Variants in FBN1 observed in about 807,000 individuals in gnomAD.
FBN1 encodes the protein fibrillin-1.
FBN1 carries 29 observed loss-of-function variants against 365.1 expected under a neutral mutation model. The ratio of observed to expected loss-of-function variants is 0.08; its 90% confidence interval spans 0.06 to 0.11. FBN1 has a LOEUF of 0.11. FBN1 is among the 10% of genes least tolerant of loss of function. FBN1 has a pLI of 1.00. For missense variants in FBN1, 2,476 were observed against 3,703.2 expected (o/e 0.67, Z 8.60); for synonymous variants, 1,210 against 1,270.5 (o/e 0.95, Z 1.01).
chr15:48,541,474 G>A (rs2141362771), intron 6 of FBN1, among the ~76,000 whole-genome samples: 1 of 152,316 alleles, frequency 6.6e-6, no homozygotes, highest in East Asian at 1.9e-4. Flanking sequence ...TAATCTGGAT[G>A]AAATAAAATT....
rs752725461 is a variant in FBN1, at chr15:48,568,046, AAAG to A, written c.538+28234_538+28236del. Among the ~76,000 whole-genome samples, 390 of 92,054 alleles carry A rather than the reference AAAG, an allele frequency of 4.2e-3. 8 individuals carry two copies. The highest frequency in any genetic ancestry group is 5.0e-3 in the African/African-American group (78 of 15,498). 60.4% of individuals were successfully genotyped at this position (92,054 alleles called of 152,430 possible). A position where few individuals can be genotyped will look rare whatever the true frequency, so the allele number is the denominator to read the frequency against. On this transcript the variant is annotated intron_variant, in intron 6 of 65. Coordinates refer to ENST00000316623, the MANE Select transcript of FBN1 (RefSeq NM_000138.5). Reference sequence around the variant, plus strand: ...GAAAGAAAGAAAGAAAGAAAGAAAGAAAGAAGAAAGAAAGAAAGAAAGAAAGAA... The same window carrying A: ...GAAAGAAAGAAAGAAAGAAAGAAAGAAAGAAAGAAAGAAAGAAAGAAAGAA...
chr15:48,603,888 G>A (rs1364752190), intron 4 of FBN1, among the ~76,000 whole-genome samples: 1 of 152,192 alleles, frequency 6.6e-6, no homozygotes, highest in African/African-American at 2.4e-5. Flanking sequence ...AGGGTTTCAT[G>A]TAAGGCTCAA....
At chr15:48,455,133 T>C (rs2043229350) in intron 44 of FBN1, among the ~76,000 whole-genome samples, 1 of 152,138 alleles carries the variant, frequency 6.6e-6, no homozygotes, top group African/African-American at 2.4e-5. Context: ...GAGCTAAGAG[T>C]ATGCTAGGAA....
chr15:48,517,494 A>G (rs1379939704), intron 10 of FBN1, among the ~76,000 whole-genome samples: 1 of 152,236 alleles, frequency 6.6e-6, no homozygotes, highest in East Asian at 1.9e-4. Flanking sequence ...TGACTTCATC[A>G]TCTGCTTCCC....
chr15:48,561,874 T>TA (rs2044224444), intron 6 of FBN1, among the ~76,000 whole-genome samples: 1 of 152,038 alleles, frequency 6.6e-6, no homozygotes, highest in South Asian at 2.1e-4. Flanking sequence ...ATTTAGCACA[T>TA]AGCTTTCCCT....
At chr15:48,435,778 G>A (rs199891863) in intron 53 of FBN1, among the ~76,000 whole-genome samples, 57 of 141,366 alleles carry the variant, frequency 4.0e-4, no homozygotes, top group South Asian at 1.6e-3. Context: ...GTATATGTGT[G>A]TGTGTGTGTG....
intron 55 of FBN1, among the ~76,000 whole-genome samples, chr15:48,431,984 T>G (rs2043025718): frequency 1.3e-5 from 2 of 152,180 alleles, no homozygotes; most frequent in African/African-American, 2.4e-5. Flanking sequence ...ATGATAATAT[T>G]AGTAAACAGG....
At chr15:48,516,153 A>C (rs2043798507) in intron 11 of FBN1, 30 bp downstream of exon 11, 1 of 1,596,872 alleles carries the variant, frequency 6.3e-7, no homozygotes, top group African/African-American at 1.3e-5. Flanking sequence ...CAATGCAAGA[A>C]AAATAACTAG....
intron 38 of FBN1, among the ~76,000 whole-genome samples, chr15:48,466,398 G>C (rs981282055): frequency 6.6e-6 from 1 of 152,108 alleles, no homozygotes; most frequent in Non-Finnish European, 1.5e-5. Context: ...TGATTCTCTT[G>C]GTTTCCAAAA....
chr15:48,480,357 T>G (rs1470289563), intron 32 of FBN1, among the ~76,000 whole-genome samples: 1 of 152,194 alleles, frequency 6.6e-6, no homozygotes, highest in African/African-American at 2.4e-5. Flanking sequence ...ATATTTATAC[T>G]GGAAGCTAAA....
rs543030306 is a variant in FBN1, at chr15:48,493,429, T to C, written c.2728+775A>G. Among the ~76,000 whole-genome samples, 7 of 152,318 alleles carry C rather than the reference T, an allele frequency of 4.6e-5. No individual in the cohort carries two copies. The East Asian group carries it at 1.3e-3, about 29-fold the overall frequency. On this transcript the variant is annotated intron_variant, in intron 23 of 65. Coordinates refer to ENST00000316623, the MANE Select transcript of FBN1 (RefSeq NM_000138.5). Reference sequence around the variant, plus strand: ...TGAAAAAATATTCTGAATCTTTCCTTGTAAGAGAGATCAATGGGGAGAGGG... The same window carrying C: ...TGAAAAAATATTCTGAATCTTTCCTCGTAAGAGAGATCAATGGGGAGAGGG...
chr15:48,520,744 G>C lies in FBN1; in HGVS notation c.1062C>G (p.Thr354=). 6.2e-7 allele frequency: 1 copy of C among 1,614,180 alleles called. No homozygotes were observed. The highest frequency in any genetic ancestry group is 8.5e-7 in the Non-Finnish European group (1 of 1,180,032). The part of the protein sequence containing the change: ...RCSNQLPQSI[T]KMQCCCDAGR... ...CGGCATCACAGCAGCACTGCATTTT[G>C]GTTATGGACTGTGGCAGCTGGTTAG... is the stretch of plus-strand genomic sequence containing the variant. The change falls in exon 10 of 66, where the codon ACC becomes ACG. Residue 354 remains threonine (T), a synonymous_variant. Coordinates refer to ENST00000316623, the MANE Select transcript of FBN1 (RefSeq NM_000138.5).
intron 55 of FBN1, among the ~76,000 whole-genome samples, chr15:48,431,614 A>G (rs1597521407): frequency 6.7e-6 from 1 of 150,026 alleles, no homozygotes; most frequent in East Asian, 2.0e-4. Flanking sequence ...CAAAGCTTAC[A>G]TTATGCAATA....
chr15:48,441,109 T>C (rs1429949945), intron 50 of FBN1, among the ~76,000 whole-genome samples: 1 of 152,210 alleles, frequency 6.6e-6, no homozygotes, highest in Non-Finnish European at 1.5e-5. Flanking sequence ...CATACTGTGT[T>C]ATGCCAAAGT....
intron 6 of FBN1, among the ~76,000 whole-genome samples, chr15:48,541,743 TC>T (rs1566923162): frequency 1.3e-5 from 2 of 148,340 alleles, no homozygotes; most frequent in Non-Finnish European, 1.5e-5. Flanking sequence ...TTTTTTTTTT[TC>T]AGATAGTCTC....
At chr15:48,447,975 A>G (rs536767320) in intron 46 of FBN1, among the ~76,000 whole-genome samples, 6 of 152,296 alleles carry the variant, frequency 3.9e-5, no homozygotes, top group Middle Eastern at 3.4e-3. Context: ...GTAGAAAGAA[A>G]GTTGGGCAGG....
At chr15:48,474,722 T>G (rs1218628616) in intron 32 of FBN1, 72 bp from the exon 33 acceptor site, 7 of 1,603,494 alleles carry the variant, frequency 4.4e-6, no homozygotes, top group African/African-American at 1.3e-5. Flanking sequence ...TAAGTAATAT[T>G]CAAAAGTTGA....
At chr15:48,516,662 TC>T (rs1308007329) in intron 10 of FBN1, among the ~76,000 whole-genome samples, 2 of 152,196 alleles carry the variant, frequency 1.3e-5, no homozygotes, top group African/African-American at 4.8e-5. Context: ...ACTTTCTCCA[TC>T]CAGTCCCACC....
chr15:48,533,717 T>C (rs548194902), intron 8 of FBN1, among the ~76,000 whole-genome samples: 55 of 152,304 alleles, frequency 3.6e-4, no homozygotes, highest in Admixed American at 2.6e-3. Context: ...CTTCGGAAGA[T>C]ATATTATTCT....
Sources: gnomAD v4.1 joint callset for allele counts (sites outside exome capture counted in the v4.1 genomes callset) on GRCh38, gnomAD v4.1.1 for gene constraint, MANE v1.5 for transcripts, NCBI Gene and HGNC (gene_info 2026-07-23, HGNC 2026-07-21) for gene names.